Variants in KHDRBS2 observed in about 807,000 individuals in gnomAD.
KHDRBS2 encodes the protein KH domain-containing, RNA-binding, signal transduction-associated protein 2.
A neutral mutation model predicts 44.3 loss-of-function variants in KHDRBS2; 26 were observed. The observed-to-expected ratio is 0.59, with a 90% CI of 0.43 to 0.81. The LOEUF (loss-of-function observed/expected upper bound fraction) is 0.81. KHDRBS2 is among the 40% of genes least tolerant of loss of function. The pLI, the probability that KHDRBS2 is intolerant of heterozygous loss-of-function variation, is 0.00. For missense variants in KHDRBS2, 476 were observed against 433.1 expected (o/e 1.10, Z -0.88); for synonymous variants, 194 against 151.1 (o/e 1.28, Z -2.08).
the KHDRBS2 span, chr6:61,661,379 G>A: frequency 6.6e-6 from 1 of 151,784 alleles, no homozygotes; most frequent in African/African-American, 2.4e-5. Flanking sequence ...AGTCCCAGAT[G>A]AGCAGAACAG....
At chr6:62,059,336 TAG>T (rs1791147536) in intron 2 of KHDRBS2, among the ~76,000 whole-genome samples, 1 of 148,834 alleles carries the variant, frequency 6.7e-6, no homozygotes, top group South Asian at 2.1e-4. Flanking sequence ...GGGGCAGATG[TAG>T]TGGAGCAGGA....
At chr6:61,901,911 A>G (rs766372914) in intron 4 of KHDRBS2, among the ~76,000 whole-genome samples, 2 of 152,120 alleles carry the variant, frequency 1.3e-5, no homozygotes, top group African/African-American at 2.4e-5. Context: ...GCAGAATCCA[A>G]CTAAACAGTT....
At chr6:62,057,498 A>G (rs1259130327) in intron 2 of KHDRBS2, among the ~76,000 whole-genome samples, 2 of 151,988 alleles carry the variant, frequency 1.3e-5, no homozygotes, top group Non-Finnish European at 2.9e-5. Context: ...ACCTATACTC[A>G]GTTCCCCTTC....
chr6:61,668,946 C>A, the KHDRBS2 span, among the ~76,000 whole-genome samples: 1 of 150,760 alleles, frequency 6.6e-6, no homozygotes, highest in African/African-American at 2.4e-5. Context: ...AAATAAGTAA[C>A]CATGACTATT....
At chr6:61,675,761 GT>G (rs1229537921), downstream of KHDRBS2, among the ~76,000 whole-genome samples, 1 of 151,630 alleles carries the variant, frequency 6.6e-6, no homozygotes. Context: ...AAAATACTTT[GT>G]TTAGTTAGTC....
the KHDRBS2 span, among the ~76,000 whole-genome samples, chr6:61,587,450 C>T: frequency 6.6e-6 from 1 of 152,034 alleles, no homozygotes; most frequent in Admixed American, 6.6e-5. Context: ...AACATCTGCA[C>T]TCGCCTTGTG....
At chr6:62,190,771 C>T (rs1278112614) in intron 1 of KHDRBS2, among the ~76,000 whole-genome samples, 6 of 152,104 alleles carry the variant, frequency 3.9e-5, no homozygotes, top group African/African-American at 1.4e-4. Flanking sequence ...TCCTAAGTCA[C>T]CCAAGAACAA....
intron 1 of KHDRBS2, among the ~76,000 whole-genome samples, chr6:62,231,370 C>A (rs1407351901): frequency 1.3e-5 from 2 of 152,144 alleles, no homozygotes; most frequent in Non-Finnish European, 2.9e-5. Flanking sequence ...GAAGTTCGAG[C>A]AGGGAAATGC....
chr6:61,884,776 G>C (rs1010459419), intron 6 of KHDRBS2, among the ~76,000 whole-genome samples: 1 of 152,026 alleles, frequency 6.6e-6, no homozygotes, highest in Admixed American at 6.6e-5. Flanking sequence ...GCACAGAACA[G>C]ACTTTTAGTA....
At chr6:62,224,438 T>C (rs1232161070) in intron 1 of KHDRBS2, among the ~76,000 whole-genome samples, 1 of 152,114 alleles carries the variant, frequency 6.6e-6, no homozygotes, top group Non-Finnish European at 1.5e-5. Flanking sequence ...TAGGTTTGTA[T>C]GGGAATACGA....
At position 61,757,877 on chromosome 6, in the gene KHDRBS2, C is replaced by A. The variant is rs1380806666; in HGVS notation, c.811-25113G>T. ...TAACGAAAGGTGTTTTCCAGTATGA[C>A]AATTGAGACATTATTCCCAGTCCTG... On this transcript the variant is annotated intron_variant, in intron 6 of 8. Transcript: ENST00000281156. 2.0e-5 allele frequency among the ~76,000 whole-genome samples: 3 copies of A among 152,110 alleles called. No individual in the cohort carries two copies. The East Asian group carries it at 5.8e-4, about 29-fold the overall frequency.
the KHDRBS2 span, among the ~76,000 whole-genome samples, chr6:61,637,402 A>G: frequency 0.012 from 1,784 of 152,200 alleles, 34 homozygotes; most frequent in African/African-American, 0.042. Context: ...TGTGGTGTAT[A>G]TGTGCCACAT....
chr6:62,167,627 G>A (rs1379623350), intron 2 of KHDRBS2, among the ~76,000 whole-genome samples: 1 of 151,992 alleles, frequency 6.6e-6, no homozygotes, highest in African/African-American at 2.4e-5. Context: ...ATGAGGAGTT[G>A]GGAAACTGAT....
chr6:61,670,545 T>A, the KHDRBS2 span, among the ~76,000 whole-genome samples: 973 of 151,660 alleles, frequency 6.4e-3, 7 homozygotes, highest in Middle Eastern at 0.021. Flanking sequence ...TTAAAGAATA[T>A]CTTCAAGCAA....
intron 4 of KHDRBS2, among the ~76,000 whole-genome samples, chr6:61,920,059 A>T (rs752502926): frequency 1.3e-5 from 2 of 152,020 alleles, no homozygotes; most frequent in African/African-American, 4.8e-5. Flanking sequence ...TAGCATTACT[A>T]TACAGTGGTA....
At chr6:61,555,154 T>C in the KHDRBS2 span, among the ~76,000 whole-genome samples, 4 of 152,212 alleles carry the variant, frequency 2.6e-5, no homozygotes, top group African/African-American at 7.2e-5. Flanking sequence ...GAGTCATAAA[T>C]TGGGTCTCTT....
chr6:62,236,577 T>TA (rs1300580465), intron 1 of KHDRBS2, among the ~76,000 whole-genome samples: 12 of 152,074 alleles, frequency 7.9e-5, no homozygotes, highest in African/African-American at 2.9e-4. Flanking sequence ...ATACAAAAAA[T>TA]ACTGTAAATA....
intron 1 of KHDRBS2, among the ~76,000 whole-genome samples, chr6:62,268,878 A>C (rs1366533005): frequency 1.3e-5 from 2 of 152,090 alleles, no homozygotes; most frequent in Non-Finnish European, 2.9e-5. Context: ...CAGAGGGTCA[A>C]TATTGAAAAA....
intron 2 of KHDRBS2, among the ~76,000 whole-genome samples, chr6:62,111,379 T>C (rs1373967022): frequency 6.6e-6 from 1 of 152,076 alleles, no homozygotes; most frequent in Non-Finnish European, 1.5e-5. Flanking sequence ...ACTCAACAAG[T>C]ATTTTTGAAT....
Sources: gnomAD v4.1 joint callset for allele counts (sites outside exome capture counted in the v4.1 genomes callset) on GRCh38, gnomAD v4.1.1 for gene constraint, MANE v1.5 for transcripts, NCBI Gene and HGNC (gene_info 2026-07-23, HGNC 2026-07-21) for gene names.